SNX14: variants seen among roughly 807,000 people sequenced by gnomAD.
SNX14 encodes the protein sorting nexin-14.
Under a neutral mutation model 133.8 loss-of-function variants are expected in SNX14, and 93 were observed. The ratio of observed to expected loss-of-function variants is 0.70; its 90% confidence interval spans 0.59 to 0.83. The LOEUF is 0.83. Among genes scored for constraint, SNX14 ranks in the 40% least tolerant of loss-of-function variants. The pLI, the probability that SNX14 is intolerant of heterozygous loss-of-function variation, is 0.00. For missense variants in SNX14, 945 were observed against 1,094.9 expected, an observed-to-expected ratio of 0.86 and a Z score of 1.93; for synonymous variants, 368 against 365.6, an observed-to-expected ratio of 1.01 and a Z score of -0.07.
intron 9 of SNX14, 74 bp from the exon 10 acceptor site, chr6:85,547,624 T>C: frequency 3.2e-6 from 4 of 1,240,614 alleles, no homozygotes; most frequent in Non-Finnish European, 4.4e-6. Flanking sequence ...ATAACTTGTA[T>C]CATATTATGT....
intron 6 of SNX14, among the ~76,000 whole-genome samples, chr6:85,561,824 T>C (rs1791726026): frequency 6.7e-6 from 1 of 149,592 alleles, no homozygotes; most frequent in Non-Finnish European, 1.5e-5. Context: ...GTTTCTTTTT[T>C]GTTTTTTTTT....
chr6:85,549,669 A>C (rs1295714404), intron 8 of SNX14, 54 bp downstream of exon 8: 4 of 1,475,786 alleles, frequency 2.7e-6, no homozygotes, highest in African/African-American at 2.8e-5. Flanking sequence ...AAAAATAGCA[A>C]TATACATATG....
intron 9 of SNX14, 36 bp from the exon 10 acceptor site, chr6:85,547,586 C>A: frequency 2.0e-6 from 3 of 1,488,240 alleles, no homozygotes; most frequent in South Asian, 1.2e-5. Context: ...CAAAATAATT[C>A]CACTACTGTA....
rs1008487717 is a variant in SNX14 at position 85,564,716 on chromosome 6, G to A, written c.549+616C>T. 6.6e-5 allele frequency among the ~76,000 whole-genome samples: 10 copies of A among 152,058 alleles called. 1 individual carries two copies. The highest frequency in any genetic ancestry group is 1.0e-4 in the Non-Finnish European group (7 of 68,000). ...GTAAAAATAAGGTTTAAGGCCGGGC[G>A]CAGTGGCTCACACCTGTAATCCTAG... On this transcript the variant is annotated intron_variant, in intron 6 of 28. Transcript: ENST00000314673.
chr6:85,537,274 A>T (rs2128035312), intron 16 of SNX14, among the ~76,000 whole-genome samples: 1 of 152,316 alleles, frequency 6.6e-6, no homozygotes, highest in African/African-American at 2.4e-5. Flanking sequence ...ATTTCAAAAT[A>T]GATTAAAAAA....
intron 16 of SNX14, among the ~76,000 whole-genome samples, chr6:85,537,564 C>A (rs1351356949): frequency 6.6e-6 from 1 of 152,124 alleles, no homozygotes; most frequent in African/African-American, 2.4e-5. Flanking sequence ...TGAAAAGCAA[C>A]AAGACAAATA....
At chr6:85,590,198 T>C (rs988251696) in intron 1 of SNX14, among the ~76,000 whole-genome samples, 3 of 152,198 alleles carry the variant, frequency 2.0e-5, no homozygotes, top group Admixed American at 2.0e-4. Flanking sequence ...AGCTGGTACT[T>C]ATCTTTTTCC....
intron 1 of SNX14, among the ~76,000 whole-genome samples, chr6:85,578,206 A>T (rs1797909161): frequency 6.6e-6 from 1 of 152,250 alleles, no homozygotes; most frequent in Non-Finnish European, 1.5e-5. Flanking sequence ...TACATGGAAG[A>T]AACAGTTATA....
chr6:85,565,026 A>G, intron 6 of SNX14, among the ~76,000 whole-genome samples: 1 of 152,140 alleles, frequency 6.6e-6, no homozygotes, highest in East Asian at 1.9e-4. Flanking sequence ...ATCTTCTAAA[A>G]GATACACTTA....
intron 4 of SNX14, chr6:85,568,565 C>T (rs1794634930): frequency 6.6e-6 from 1 of 152,136 alleles, no homozygotes; most frequent in Admixed American, 6.5e-5. Flanking sequence ...TTAAATCTTC[C>T]ATTTCTTGGA....
At chr6:85,582,766 T>G (rs1305270099) in intron 1 of SNX14, among the ~76,000 whole-genome samples, 1 of 152,076 alleles carries the variant, frequency 6.6e-6, no homozygotes, top group Non-Finnish European at 1.5e-5. Context: ...GTTCTGAAAT[T>G]GAGGCAGTAA....
intron 21 of SNX14, among the ~76,000 whole-genome samples, chr6:85,518,998 G>A (rs1775952451): frequency 6.6e-6 from 1 of 152,186 alleles, no homozygotes; most frequent in African/African-American, 2.4e-5. Context: ...TATAAACTCA[G>A]TAAGTTCAAA....
At chr6:85,570,144 C>T (rs1173901906) in intron 4 of SNX14, among the ~76,000 whole-genome samples, 1 of 152,188 alleles carries the variant, frequency 6.6e-6, no homozygotes, top group Non-Finnish European at 1.5e-5. Context: ...ATGCCTGCCT[C>T]TACTTCTAGA....
chr6:85,591,081 G>A (rs1185706342), intron 1 of SNX14, among the ~76,000 whole-genome samples: 1 of 152,090 alleles, frequency 6.6e-6, no homozygotes, highest in African/African-American at 2.4e-5. Context: ...AGGGGTCAGT[G>A]GCCCTAATCT....
chr6:85,565,947 G>A (rs1793673056), intron 5 of SNX14, among the ~76,000 whole-genome samples: 7 of 152,090 alleles, frequency 4.6e-5, no homozygotes, highest in Admixed American at 4.6e-4. Flanking sequence ...CCTGATGTTT[G>A]GAGGGCCCTA....
In SNX14 at chr6:85,572,188, C is replaced by A. The variant is rs758780751; in HGVS notation, c.366G>T (p.Gln122His). 6.2e-7 allele frequency: 1 copy of A among 1,613,802 alleles called. No individual in the cohort carries two copies. Among genetic ancestry groups the A allele is most frequent in the Non-Finnish European group, 8.5e-7 (1 of 1,179,918 alleles). Residue 122 changes from glutamine (Q) to histidine (H), a missense_variant, in exon 4 of 29, where the codon CAG becomes CAT. By Grantham distance (24) the Gln-to-His change is conservative. Around this residue, in one of 3 missense-constraint regions of SNX14, gnomAD observed 514 missense variants for 538.8 expected, o/e 0.95. Coordinates refer to ENST00000314673, the MANE Select transcript of SNX14 (RefSeq NM_153816.6). ...AAGAAATTTTCAGGTCTAGCCATGG[C>A]TGGTAGTTTTCAAGTAGCAAAGAAG... ...HRPSLLLENYQPWLDLKISSK... is the reference protein window; with the variant it reads ...HRPSLLLENYHPWLDLKISSK...
chr6:85,526,054 T>G (rs1473968036), intron 21 of SNX14, 72 bp downstream of exon 21: 1 of 1,006,924 alleles, frequency 9.9e-7, no homozygotes, highest in East Asian at 2.7e-5. Context: ...ACTATATATT[T>G]TTCTAAGTTA....
intron 20 of SNX14, among the ~76,000 whole-genome samples, chr6:85,527,230 T>G (rs2127970002): frequency 6.6e-6 from 1 of 152,312 alleles, no homozygotes; most frequent in East Asian, 1.9e-4. Context: ...CAGAGTGAAG[T>G]ACTCTAGTTT....
chr6:85,555,327 C>T (rs1424603999), intron 7 of SNX14, among the ~76,000 whole-genome samples: 1 of 152,104 alleles, frequency 6.6e-6, no homozygotes, highest in African/African-American at 2.4e-5. Context: ...AAAAATTGGA[C>T]CAAGATGTCC....
Sources: gnomAD v4.1 joint callset for allele counts (sites outside exome capture counted in the v4.1 genomes callset) on GRCh38, gnomAD v4.1.1 for gene constraint, gnomAD v4.1.1 regional missense constraint, MANE v1.5 for transcripts, NCBI Gene and HGNC (gene_info 2026-07-23, HGNC 2026-07-21) for gene names.